The following ARHGAP18 variants were observed in gnomAD, a reference collection of about 807,000 sequenced individuals.
ARHGAP18 encodes the protein Rho GTPase activating protein 18, also known as rho GTPase-activating protein 18.
Under a neutral mutation model 86.2 loss-of-function variants are expected in ARHGAP18, and 67 were observed. The ratio of observed to expected loss-of-function variants is 0.78; its 90% confidence interval spans 0.64 to 0.95. The LOEUF (loss-of-function observed/expected upper bound fraction) is 0.95. Ranked by LOEUF, ARHGAP18 falls within the 40% of genes least tolerant of loss-of-function variation. ARHGAP18 has a pLI of 0.00. For missense variants in ARHGAP18, 691 were observed against 780.4 expected (o/e 0.89, Z 1.37); for synonymous variants, 283 against 280.4 (o/e 1.01, Z -0.09).
rs112095683 is a variant in ARHGAP18, at chr6:129,629,247, C to A, written c.786+106G>T. 1.5e-3 allele frequency: 977 copies of A among 653,262 alleles called. 2 individuals carry two copies. Among genetic ancestry groups the A allele is most frequent in the African/African-American group, 5.3e-3 (277 of 51,938 alleles). The allele number at this position is 653,262 out of a possible 1,614,324, so 40.5% of individuals were successfully genotyped here. ...TCTGTCTGTCTGTCTCTCTCTCTCT[C>A]TATATATATATATATGTGTGTGTGC... On this transcript the variant is annotated intron_variant, in intron 5 of 14. Coordinates refer to ENST00000368149, the MANE Select transcript of ARHGAP18 (RefSeq NM_033515.3).
intron 7 of ARHGAP18, among the ~76,000 whole-genome samples, chr6:129,613,483 G>T (rs1338992734): frequency 6.6e-6 from 1 of 152,110 alleles, no homozygotes; most frequent in African/African-American, 2.4e-5. Flanking sequence ...AAGTACAATT[G>T]TATGCTAGCT....
intron 9 of ARHGAP18, 139 bp downstream of exon 9, chr6:129,607,754 A>G (rs1788883416): frequency 1.2e-6 from 1 of 810,956 alleles, no homozygotes; most frequent in Admixed American, 3.3e-5. Flanking sequence ...ATGGCAGCTG[A>G]GCACCCACTG....
chr6:129,669,016 C>T, intron 1 of ARHGAP18, among the ~76,000 whole-genome samples: 1 of 152,274 alleles, frequency 6.6e-6, no homozygotes, highest in Non-Finnish European at 1.5e-5. Context: ...GAAATATTCA[C>T]ATAAAGGGCC....
chr6:129,586,756 GC>G (rs1158501591), intron 12 of ARHGAP18, among the ~76,000 whole-genome samples: 9 of 152,144 alleles, frequency 5.9e-5, no homozygotes, highest in Non-Finnish European at 1.0e-4. Context: ...ATCTTAGTCA[GC>G]TCCTGGCCTT....
chr6:129,608,495 A>C (rs1788905302), intron 8 of ARHGAP18, among the ~76,000 whole-genome samples: 2 of 152,244 alleles, frequency 1.3e-5, no homozygotes, highest in Non-Finnish European at 2.9e-5. Context: ...TCTGGGACTA[A>C]AACAGAAGGC....
intron 3 of ARHGAP18, among the ~76,000 whole-genome samples, chr6:129,635,045 C>T (rs958527140): frequency 1.3e-5 from 2 of 152,286 alleles, no homozygotes; most frequent in African/African-American, 4.8e-5. Flanking sequence ...GATGGTAAAC[C>T]ATGGCCGACT....
At chr6:129,620,376 CT>C (rs969517787) in intron 5 of ARHGAP18, among the ~76,000 whole-genome samples, 1 of 152,188 alleles carries the variant, frequency 6.6e-6, no homozygotes, top group Non-Finnish European at 1.5e-5. Context: ...GGATACTCAA[CT>C]TGTATATTAC....
At chr6:129,638,716 T>C in intron 2 of ARHGAP18, 87 bp from the exon 3 acceptor site, 2 of 1,235,676 alleles carry the variant, frequency 1.6e-6, no homozygotes, top group Non-Finnish European at 2.3e-6. Flanking sequence ...TTACTAAAAC[T>C]CTTCTATTGT....
At chr6:129,607,170 A>G (rs1047264446) in intron 9 of ARHGAP18, among the ~76,000 whole-genome samples, 2 of 152,170 alleles carry the variant, frequency 1.3e-5, no homozygotes, top group African/African-American at 2.4e-5. Flanking sequence ...TTTCATTCTT[A>G]TAAGTGTCCC....
chr6:129,672,924 A>T (rs1488791258), intron 1 of ARHGAP18, among the ~76,000 whole-genome samples: 1 of 152,126 alleles, frequency 6.6e-6, no homozygotes, highest in East Asian at 1.9e-4. Flanking sequence ...CAGATTACCT[A>T]GTCAAGTCAT....
At chr6:129,704,452 A>G (rs1272416592) in intron 1 of ARHGAP18, among the ~76,000 whole-genome samples, 3 of 151,994 alleles carry the variant, frequency 2.0e-5, no homozygotes, top group African/African-American at 7.3e-5. Context: ...ATCTGAAAAC[A>G]AAAAACAAAC....
rs1788175125 is a variant in ARHGAP18 at position 129,576,370 on chromosome 6, A to T, written c.*2143T>A. 1 of 152,166 alleles carries T rather than the reference A, an allele frequency of 6.6e-6. No individual in the cohort carries two copies. The highest frequency in any genetic ancestry group is 1.5e-5 in the Non-Finnish European group (1 of 68,054). 9.4% of individuals were successfully genotyped at this position (152,166 alleles called of 1,614,324 possible). On this transcript the variant is annotated 3_prime_UTR_variant, in exon 15 of 15. Coordinates refer to ENST00000368149, the MANE Select transcript of ARHGAP18 (RefSeq NM_033515.3). ...TAGCTACTCACGAGGCTGAGGCAGGAGGTTTGCTTGAGCCCCAGTGCTTGA... is the reference window on the plus strand; with the variant it reads ...TAGCTACTCACGAGGCTGAGGCAGGTGGTTTGCTTGAGCCCCAGTGCTTGA...
At chr6:129,621,742 T>A (rs1789233482) in intron 5 of ARHGAP18, among the ~76,000 whole-genome samples, 3 of 152,142 alleles carry the variant, frequency 2.0e-5, no homozygotes, top group Admixed American at 2.0e-4. Flanking sequence ...TTATGTGTCA[T>A]GGCAAGGTAA....
At chr6:129,590,527 C>G (rs1788487461) in intron 12 of ARHGAP18, among the ~76,000 whole-genome samples, 2 of 152,132 alleles carry the variant, frequency 1.3e-5, no homozygotes, top group Non-Finnish European at 2.9e-5. Context: ...GAGTACTCTC[C>G]TACAGATTCC....
intron 1 of ARHGAP18, among the ~76,000 whole-genome samples, chr6:129,656,004 T>C (rs2114514094): frequency 6.6e-6 from 1 of 152,342 alleles, no homozygotes; most frequent in African/African-American, 2.4e-5. Context: ...ATGAAGTCAA[T>C]GATTCAATGT....
intron 1 of ARHGAP18, among the ~76,000 whole-genome samples, chr6:129,661,541 G>C (rs1773952156): frequency 6.7e-6 from 1 of 149,004 alleles, no homozygotes; most frequent in African/African-American, 2.5e-5. Context: ...CTATTTGCTG[G>C]GGTGGGGGAA....
In ARHGAP18 at chr6:129,577,182, A is replaced by G. The variant is rs1387468310; in HGVS notation, c.*1331T>C. The G allele has an allele frequency of 6.6e-6, 1 of 152,194 alleles. No individual in the cohort carries two copies. The highest frequency in any genetic ancestry group is 1.9e-4 in the East Asian group (1 of 5,198). 9.4% of individuals were successfully genotyped at this position (152,194 alleles called of 1,614,324 possible). ...TCACCACAAAATCATTTAAGTGATCATATCCACAGGCTGTTCTTGTAATTA... is the reference window on the plus strand; with the variant it reads ...TCACCACAAAATCATTTAAGTGATCGTATCCACAGGCTGTTCTTGTAATTA... On this transcript the variant is annotated 3_prime_UTR_variant, in exon 15 of 15. Coordinates refer to ENST00000368149, the MANE Select transcript of ARHGAP18 (RefSeq NM_033515.3).
At chr6:129,580,768 G>A (rs1193213900) in intron 13 of ARHGAP18, among the ~76,000 whole-genome samples, 2 of 152,060 alleles carry the variant, frequency 1.3e-5, no homozygotes, top group African/African-American at 2.4e-5. Flanking sequence ...CTAGCTACTC[G>A]GGAGGCTGAG....
At chr6:129,627,447 T>C (rs929053928) in intron 5 of ARHGAP18, among the ~76,000 whole-genome samples, 3 of 151,850 alleles carry the variant, frequency 2.0e-5, no homozygotes, top group African/African-American at 7.3e-5. Context: ...ATATCTGACG[T>C]AGTCTTGACT....
Sources: gnomAD v4.1 joint callset for allele counts (sites outside exome capture counted in the v4.1 genomes callset) on GRCh38, gnomAD v4.1.1 for gene constraint, MANE v1.5 for transcripts, NCBI Gene and HGNC (gene_info 2026-07-23, HGNC 2026-07-21) for gene names.